Variants in KBTBD12 observed in about 807,000 individuals in gnomAD.
KBTBD12 encodes kelch repeat and BTB domain-containing protein 12.
In KBTBD12, 53 loss-of-function variants were observed where a neutral mutation model predicts 58.7. That is an observed-to-expected ratio of 0.90 (90% CI 0.72 to 1.14). The LOEUF is 1.14. Among genes scored for constraint, KBTBD12 ranks in the 50% most tolerant of loss-of-function variants. The pLI is 0.00. For synonymous variants in KBTBD12, 236 were observed against 259.8 expected (o/e 0.91, Z 0.88); for missense variants, 704 against 751.3 (o/e 0.94, Z 0.74).
At position 127,984,128 on chromosome 3, in the gene KBTBD12, G is replaced by C; in HGVS notation, c.1722G>C (p.Leu574Phe). 6.2e-7 allele frequency: 1 copy of C among 1,613,684 alleles called. No individual in the cohort carries two copies. The change falls in exon 6 of 6, where the codon TTG (leucine) becomes TTC (phenylalanine). Residue 574 changes from leucine (L) to phenylalanine (F), a missense_variant. By Grantham distance (22) the Leu-to-Phe change is conservative. Transcript: ENST00000405109. ...DRHEVISKEI[L>F]ELDPWENQWN... ...ATGAGGTTATCTCCAAAGAAATATT[G>C]GAACTGGACCCATGGGAAAACCAGT... is the stretch of plus-strand genomic sequence containing the variant.
intron 1 of KBTBD12, among the ~76,000 whole-genome samples, chr3:127,916,269 CT>C (rs1576365828): frequency 6.6e-6 from 1 of 152,166 alleles, no homozygotes; most frequent in African/African-American, 2.4e-5. Context: ...TGAATCAGGT[CT>C]TTTTCCATGC....
At position 127,986,486 on chromosome 3, in the gene KBTBD12, T is replaced by C; in HGVS notation, c.*2208T>C. On this transcript the variant is annotated 3_prime_UTR_variant, in exon 6 of 6. Transcript: ENST00000405109. ...GCATATGGCTTGTGACGGTTCTTTC[T>C]TTTTTTTTTTTTTTTTGAGACGGAG... 1 of 131,468 alleles carries C rather than the reference T, an allele frequency of 7.6e-6. No homozygotes were observed. Among genetic ancestry groups the C allele is most frequent in the South Asian group, 2.3e-4 (1 of 4,358 alleles). 8.1% of individuals were successfully genotyped at this position (131,468 alleles called of 1,614,324 possible).
chr3:127,941,108 C>G (rs904183645), intron 4 of KBTBD12, among the ~76,000 whole-genome samples: 3 of 152,048 alleles, frequency 2.0e-5, no homozygotes, highest in Non-Finnish European at 4.4e-5. Flanking sequence ...GTGAATTTAA[C>G]CAAGCATTTA....
chr3:127,924,126 T>G lies in KBTBD12; in HGVS notation c.1065T>G (p.Ile355Met). Residue 355 changes from isoleucine to methionine, a missense_variant, in exon 2 of 6, where the codon ATT (isoleucine) becomes ATG (methionine). By Grantham distance (10) the Ile-to-Met change is conservative. Transcript: ENST00000405109. Reference protein sequence around the residue: ...LSRQKNKNVEIYRYHDRGNQF... With the variant: ...LSRQKNKNVEMYRYHDRGNQF... ...GACAAAAGAACAAGAATGTTGAAAT[T>G]TATAGGTTTGTATCTAGCAGCAAAT... is the stretch of plus-strand genomic sequence containing the variant. The G allele has an allele frequency of 6.2e-7, 1 of 1,602,602 alleles. No individual in the cohort carries two copies. Among genetic ancestry groups the G allele is most frequent in the Non-Finnish European group, 8.5e-7 (1 of 1,172,452 alleles).
intron 4 of KBTBD12, among the ~76,000 whole-genome samples, chr3:127,943,047 G>A (rs1411285728): frequency 2.6e-5 from 4 of 152,108 alleles, no homozygotes; most frequent in Non-Finnish European, 5.9e-5. Flanking sequence ...ATTTATGAAG[G>A]ATATGTCTCC....
At chr3:127,918,257 G>T (rs1374834696) in intron 1 of KBTBD12, among the ~76,000 whole-genome samples, 1 of 152,238 alleles carries the variant, frequency 6.6e-6, no homozygotes, top group East Asian at 1.9e-4. Flanking sequence ...AAAGTGAATG[G>T]CAATAGCAGT....
intron 5 of KBTBD12, among the ~76,000 whole-genome samples, chr3:127,969,007 G>A (rs534743535): frequency 6.6e-6 from 1 of 152,166 alleles, no homozygotes; most frequent in Admixed American, 6.5e-5. Flanking sequence ...AGACTGAAAG[G>A]TTTCCCCCTA....
chr3:127,967,698 C>A (rs1440042220), intron 5 of KBTBD12, among the ~76,000 whole-genome samples: 1 of 152,154 alleles, frequency 6.6e-6, no homozygotes, highest in Non-Finnish European at 1.5e-5. Flanking sequence ...ACTTGTAAAG[C>A]AGCTATTTAA....
chr3:127,963,023 A>G (rs1940477432), intron 4 of KBTBD12, among the ~76,000 whole-genome samples, 166 bp from the exon 5 acceptor site: 1 of 152,264 alleles, frequency 6.6e-6, no homozygotes, highest in Non-Finnish European at 1.5e-5. Context: ...TGGAGTACAC[A>G]GTAGACATCA....
At position 127,927,944 on chromosome 3, in the gene KBTBD12, A is replaced by G. The variant is rs956549951; in HGVS notation, c.1251A>G (p.Lys417=). Residue 417 remains lysine, a synonymous_variant, in exon 3 of 6, where the codon AAA becomes AAG. Coordinates refer to ENST00000405109, the MANE Select transcript of KBTBD12 (RefSeq NM_207335.4). Reference sequence around the variant, plus strand: ...ACTCTGTAGAACGGGACAATTGGAAAAGGGTGTCTCCCCTTCCACTGCAAT... The same window carrying G: ...ACTCTGTAGAACGGGACAATTGGAAGAGGGTGTCTCCCCTTCCACTGCAAT... ...DKYSVERDNW[K]RVSPLPLQLA... The G allele has an allele frequency of 1.9e-6, 3 of 1,613,156 alleles. No homozygotes were observed. In the African/African-American group the frequency reaches 4.0e-5, roughly 22 times the overall value.
At chr3:127,949,346 C>T (rs1200739394) in intron 4 of KBTBD12, among the ~76,000 whole-genome samples, 1 of 152,098 alleles carries the variant, frequency 6.6e-6, no homozygotes, top group African/African-American at 2.4e-5. Context: ...AGGAGGGGAA[C>T]CTGGAGAGCT....
chr3:127,950,795 G>C (rs1194751430), intron 4 of KBTBD12, among the ~76,000 whole-genome samples: 1 of 152,170 alleles, frequency 6.6e-6, no homozygotes, highest in Non-Finnish European at 1.5e-5. Flanking sequence ...ACTTTGGAAG[G>C]CTGAGGCAGG....
chr3:127,922,200 G>C (rs1390980873), intron 1 of KBTBD12, among the ~76,000 whole-genome samples: 1 of 152,134 alleles, frequency 6.6e-6, no homozygotes, highest in Non-Finnish European at 1.5e-5. Flanking sequence ...GGTGAAGAGA[G>C]ATTCAGTCTC....
intron 4 of KBTBD12, among the ~76,000 whole-genome samples, chr3:127,952,029 G>A (rs1940216212): frequency 1.3e-5 from 2 of 152,098 alleles, no homozygotes; most frequent in Admixed American, 1.3e-4. Context: ...ACCTTTAAGT[G>A]GCTAAATCTG....
At chr3:127,978,783 C>T (rs768227706) in intron 5 of KBTBD12, among the ~76,000 whole-genome samples, 2 of 152,154 alleles carry the variant, frequency 1.3e-5, no homozygotes, top group Non-Finnish European at 2.9e-5. Context: ...CTACTGGCCA[C>T]GTCACCTTGG....
At chr3:127,976,366 C>T (rs1357392447) in intron 5 of KBTBD12, among the ~76,000 whole-genome samples, 4 of 152,158 alleles carry the variant, frequency 2.6e-5, no homozygotes, top group South Asian at 2.1e-4. Flanking sequence ...TGGAACATGT[C>T]GACACGCCCT....
At chr3:127,968,433 A>T (rs1330504787) in intron 5 of KBTBD12, among the ~76,000 whole-genome samples, 2 of 152,254 alleles carry the variant, frequency 1.3e-5, no homozygotes, top group Non-Finnish European at 2.9e-5. Context: ...TGTTATTCTG[A>T]TACCAAAACT....
intron 5 of KBTBD12, among the ~76,000 whole-genome samples, chr3:127,983,593 A>C (rs1366483065): frequency 6.6e-6 from 1 of 152,128 alleles, no homozygotes; most frequent in Non-Finnish European, 1.5e-5. Flanking sequence ...TCTCTACTAA[A>C]AATACAAAAA....
At chr3:127,981,896 C>T (rs1053148831) in intron 5 of KBTBD12, among the ~76,000 whole-genome samples, 4 of 152,322 alleles carry the variant, frequency 2.6e-5, no homozygotes, top group Admixed American at 6.5e-5. Context: ...GATATACATC[C>T]TTTATGAGCA....
Sources: gnomAD v4.1 joint callset for allele counts (sites outside exome capture counted in the v4.1 genomes callset) on GRCh38, gnomAD v4.1.1 for gene constraint, MANE v1.5 for transcripts, NCBI Gene and HGNC (gene_info 2026-07-23, HGNC 2026-07-21) for gene names.